LAMB4: variants seen among roughly 807,000 people sequenced by gnomAD.
LAMB4 encodes laminin subunit beta-4.
Under a neutral mutation model 199.2 loss-of-function variants are expected in LAMB4, and 196 were observed. That is an observed-to-expected ratio of 0.98 (90% CI 0.88 to 1.11). The LOEUF (loss-of-function observed/expected upper bound fraction) is 1.11. LAMB4 is among the 50% of genes least tolerant of loss of function. The pLI is 0.00. For missense variants in LAMB4, 2,080 were observed against 2,171.2 expected, an observed-to-expected ratio of 0.96 and a Z score of 0.83; for synonymous variants, 744 against 770.6, an observed-to-expected ratio of 0.97 and a Z score of 0.57.
chr7:108,078,116 C>G lies in LAMB4; in HGVS notation c.2003+85G>C, dbSNP rs10235390. On this transcript the variant is annotated intron_variant, in intron 16 of 33. Coordinates refer to ENST00000388781, the MANE Select transcript of LAMB4 (RefSeq NM_007356.3). ...AGTTTTCTTCAGACCTCCTCTTTCT[C>G]CACTTAGTTCCCAGAAACAAATTAC... The G allele has an allele frequency of 5.1e-3, 4,369 of 854,384 alleles. 118 individuals carry two copies. The African/African-American group carries it at 0.06, about 12-fold the overall frequency. 52.9% of individuals were successfully genotyped at this position (854,384 alleles called of 1,614,324 possible).
chr7:108,107,121 A>G (rs1301088113), intron 6 of LAMB4, among the ~76,000 whole-genome samples: 1 of 152,158 alleles, frequency 6.6e-6, no homozygotes, highest in Non-Finnish European at 1.5e-5. Context: ...GCCATGATCA[A>G]TTTGGATTTG....
intron 1 of LAMB4, among the ~76,000 whole-genome samples, chr7:108,126,917 G>C (rs1346528716): frequency 2.0e-5 from 3 of 152,090 alleles, no homozygotes; most frequent in Non-Finnish European, 2.9e-5. Context: ...CACCTGAGGA[G>C]ATATTAAACT....
At chr7:108,064,923 G>A (rs1415389513) in intron 21 of LAMB4, among the ~76,000 whole-genome samples, 1 of 149,654 alleles carries the variant, frequency 6.7e-6, no homozygotes, top group Non-Finnish European at 1.5e-5. Context: ...TTTAGAGACA[G>A]GGTCTTGCTC....
chr7:108,103,934 C>G (rs567502547), intron 9 of LAMB4, among the ~76,000 whole-genome samples: 1 of 152,174 alleles, frequency 6.6e-6, no homozygotes, highest in Admixed American at 6.5e-5. Flanking sequence ...TTTTCCTAGT[C>G]TAGGAAAAGA....
chr7:108,082,394 G>C (rs1584708616), intron 14 of LAMB4, among the ~76,000 whole-genome samples: 1 of 151,414 alleles, frequency 6.6e-6, no homozygotes, highest in East Asian at 1.9e-4. Context: ...ACCAGCTTAG[G>C]TAAATTACTT....
chr7:108,034,107 T>C, intron 31 of LAMB4, 101 bp downstream of exon 31: 1 of 1,124,180 alleles, frequency 8.9e-7, no homozygotes. Flanking sequence ...AATAATCCCA[T>C]CAGACTCGTA....
intron 23 of LAMB4, among the ~76,000 whole-genome samples, chr7:108,059,348 G>C (rs962001891): frequency 3.3e-5 from 5 of 151,848 alleles, no homozygotes; most frequent in Non-Finnish European, 5.9e-5. Context: ...GTGTCCTTAC[G>C]AAATTGCACA....
chr7:108,105,857 A>G lies in LAMB4; in HGVS notation c.830T>C (p.Met277Thr), dbSNP rs1244842839. 1 of 1,614,130 alleles carries G rather than the reference A, an allele frequency of 6.2e-7. No individual in the cohort carries two copies. ...CNGHASECRP[M>T]QKMRGDVFSP... is the part of the protein sequence containing the mutation. ...GAAAACATCTCCCCGCATCTTCTGC[A>G]TAGGGCGACATTCGCTAGCATGGCC... The change falls in exon 8 of 34, where the codon ATG becomes ACG. Residue 277 changes from methionine to threonine, a missense_variant. Met to Thr is a moderately conservative substitution (Grantham distance 81). Coordinates refer to ENST00000388781, the MANE Select transcript of LAMB4 (RefSeq NM_007356.3).
chr7:108,020,143 T>G (rs1463743886), downstream of LAMB4, among the ~76,000 whole-genome samples: 2 of 152,056 alleles, frequency 1.3e-5, no homozygotes, highest in African/African-American at 4.8e-5. Context: ...TCACACACCT[T>G]ATCAGATCTC....
intron 6 of LAMB4, 85 bp downstream of exon 6, chr7:108,107,546 C>T: frequency 9.5e-7 from 1 of 1,052,238 alleles, no homozygotes; most frequent in Non-Finnish European, 1.4e-6. Flanking sequence ...TTACAGTAAA[C>T]ACTATCGAAA....
In LAMB4 at chr7:108,112,016, A is replaced by C. The variant is rs2038245014; in HGVS notation, c.193-70T>G. On this transcript the variant is annotated intron_variant, in intron 3 of 33. Coordinates refer to ENST00000388781, the MANE Select transcript of LAMB4 (RefSeq NM_007356.3). ...CATATTGTTGGGCTAAATTAAAGGC[A>C]AGCTGTACATACTATATTTGTCTTC... 7.7e-6 allele frequency: 10 copies of C among 1,300,924 alleles called. No homozygotes were observed. In the East Asian group the frequency reaches 2.2e-4, roughly 29 times the overall value. The allele number at this position is 1,300,924 out of a possible 1,614,324, so 80.6% of individuals were successfully genotyped here. A position where few individuals can be genotyped will look rare whatever the true frequency, so the allele number is the denominator to read the frequency against.
intron 22 of LAMB4, among the ~76,000 whole-genome samples, chr7:108,063,322 T>C (rs2036229540): frequency 6.6e-6 from 1 of 152,170 alleles, no homozygotes; most frequent in African/African-American, 2.4e-5. Flanking sequence ...ACGTACACAT[T>C]ACAGTCACAT....
chr7:108,090,644 A>G (rs1179391159), intron 14 of LAMB4, among the ~76,000 whole-genome samples: 1 of 152,144 alleles, frequency 6.6e-6, no homozygotes, highest in Non-Finnish European at 1.5e-5. Flanking sequence ...GGGGTGCTAC[A>G]ACCATCTATT....
At chr7:108,111,361 C>T (rs967911018) in intron 4 of LAMB4, among the ~76,000 whole-genome samples, 4 of 152,230 alleles carry the variant, frequency 2.6e-5, no homozygotes, top group Non-Finnish European at 5.9e-5. Context: ...CTTTGGCTTA[C>T]AGTAAGAAGC....
chr7:108,083,892 A>G (rs572268257), intron 14 of LAMB4, among the ~76,000 whole-genome samples: 3 of 152,292 alleles, frequency 2.0e-5, no homozygotes, highest in South Asian at 2.1e-4. Context: ...CCTTCTGCTA[A>G]TCTTACAGCT....
At chr7:108,107,360 G>A (rs2038058682) in intron 6 of LAMB4, among the ~76,000 whole-genome samples, 1 of 152,176 alleles carries the variant, frequency 6.6e-6, no homozygotes, top group Non-Finnish European at 1.5e-5. Context: ...TTAGAAATGG[G>A]TGTTCCTTCT....
intron 25 of LAMB4, among the ~76,000 whole-genome samples, chr7:108,053,872 T>C (rs1563050343): frequency 1.3e-5 from 2 of 152,262 alleles, no homozygotes; most frequent in Non-Finnish European, 2.9e-5. Flanking sequence ...TTCTTTGGGC[T>C]ATACAGTAGG....
At chr7:108,104,392 G>A in intron 9 of LAMB4, 107 bp downstream of exon 9, 3 of 1,323,962 alleles carry the variant, frequency 2.3e-6, no homozygotes, top group Non-Finnish European at 3.1e-6. Context: ...TGGGAGGACA[G>A]CCTCCCCACT....
At chr7:108,018,453 C>T in the LAMB4 span, among the ~76,000 whole-genome samples, 7 of 152,266 alleles carry the variant, frequency 4.6e-5, no homozygotes, top group African/African-American at 1.4e-4. Flanking sequence ...TTAAGAGGCC[C>T]TCCTGGCCAG....
Sources: allele counts gnomAD v4.1 joint callset (sites outside exome capture counted in the v4.1 genomes callset), GRCh38; gene constraint gnomAD v4.1.1; transcripts MANE v1.5; gene names NCBI Gene and HGNC (gene_info 2026-07-23, HGNC 2026-07-21).